Variants in NAV3 observed in about 807,000 individuals in gnomAD.
The protein encoded by NAV3 is neuron navigator 3.
A neutral mutation model predicts 244.7 loss-of-function variants in NAV3; 87 were observed. The observed-to-expected ratio is 0.36, with a 90% CI of 0.30 to 0.42. The LOEUF (loss-of-function observed/expected upper bound fraction) is 0.42, where lower values mean the gene tolerates loss of function less well. NAV3 is among the 20% of genes least tolerant of loss of function. NAV3 has a pLI of 1.00. For synonymous variants in NAV3, 1,126 were observed against 1,042.2 expected (o/e 1.08, Z -1.55); for missense variants, 2,663 against 2,893.3 (o/e 0.92, Z 1.83).
At chr12:78,178,770 GT>G (rs1958368402) in intron 28 of NAV3, among the ~76,000 whole-genome samples, 1 of 152,080 alleles carries the variant, frequency 6.6e-6, no homozygotes, top group South Asian at 2.1e-4. Flanking sequence ...CAGTAAACTA[GT>G]TGTCAAATTT....
At position 77,727,983 on chromosome 12, in the gene NAV3, T is replaced by C. The variant is rs1263343712; in HGVS notation, c.72+155717T>C. Among the ~76,000 whole-genome samples, 3 of 151,816 alleles carry C rather than the reference T, an allele frequency of 2.0e-5. No homozygotes were observed. In the East Asian group the frequency reaches 5.8e-4, roughly 29 times the overall value. On this transcript the variant is annotated intron_variant, in intron 2 of 8. Transcript: ENST00000550042. ...GGGAAAAACACCCAAATTGGCCTCA[T>C]CAGTATTTTTTTTTTAGATGTTTTA...
intron 2 of NAV3, among the ~76,000 whole-genome samples, chr12:77,659,914 A>T (rs945364832): frequency 3.5e-5 from 5 of 144,264 alleles, no homozygotes; most frequent in African/African-American, 5.0e-5. Flanking sequence ...AACAATGAGA[A>T]CACATGGACA....
intron 5 of NAV3, among the ~76,000 whole-genome samples, chr12:77,986,189 C>G (rs1870476371): frequency 6.6e-6 from 1 of 152,058 alleles, no homozygotes; most frequent in African/African-American, 2.4e-5. Flanking sequence ...TGGTAAAACC[C>G]CATCTCTACT....
intron 30 of NAV3, among the ~76,000 whole-genome samples, chr12:78,183,464 G>T (rs1170648309): frequency 1.3e-5 from 2 of 151,910 alleles, no homozygotes; most frequent in Non-Finnish European, 2.9e-5. Context: ...AGCTGAGGAA[G>T]CCAAGACTTA....
intron 5 of NAV3, among the ~76,000 whole-genome samples, chr12:77,980,268 G>A (rs150959736): frequency 1.3e-3 from 195 of 152,234 alleles, no homozygotes; most frequent in African/African-American, 2.8e-3. Flanking sequence ...AACCATAAAC[G>A]TCAGTTCTAT....
At chr12:78,113,504 G>A (rs1177750869) in intron 12 of NAV3, among the ~76,000 whole-genome samples, 1 of 152,186 alleles carries the variant, frequency 6.6e-6, no homozygotes, top group Non-Finnish European at 1.5e-5. Flanking sequence ...ACACCCCATG[G>A]AAGCTGGCAA....
intron 31 of NAV3, among the ~76,000 whole-genome samples, chr12:78,186,612 T>C (rs1484930296): frequency 6.6e-6 from 1 of 151,946 alleles, no homozygotes. Context: ...TAATTTTAAC[T>C]GGGTTATAAA....
At chr12:77,820,246 G>T (rs966678959) in intron 2 of NAV3, among the ~76,000 whole-genome samples, 39 of 152,144 alleles carry the variant, frequency 2.6e-4, no homozygotes, top group African/African-American at 8.9e-4. Context: ...TTAGATGCCT[G>T]TCTTAGTCCA....
At chr12:77,621,551 G>A (rs143832357) in intron 2 of NAV3, among the ~76,000 whole-genome samples, 6 of 149,962 alleles carry the variant, frequency 4.0e-5, no homozygotes, top group Non-Finnish European at 7.4e-5. Context: ...TGTGATCTCG[G>A]CACACTGCAA....
chr12:77,914,402 T>G (rs532145395), intron 1 of NAV3, among the ~76,000 whole-genome samples: 9 of 152,218 alleles, frequency 5.9e-5, no homozygotes, highest in African/African-American at 1.7e-4. Flanking sequence ...GTTTAGTAGT[T>G]ACTTTGATAT....
At chr12:77,946,107 T>C (rs953432076) in intron 3 of NAV3, among the ~76,000 whole-genome samples, 3 of 145,958 alleles carry the variant, frequency 2.1e-5, no homozygotes, top group Non-Finnish European at 3.0e-5. Flanking sequence ...TATATGTATA[T>C]ATATATATAT....
At chr12:77,789,282 G>T (rs959468238) in intron 2 of NAV3, among the ~76,000 whole-genome samples, 4 of 139,836 alleles carry the variant, frequency 2.9e-5, no homozygotes, top group African/African-American at 1.1e-4. Flanking sequence ...CCTCCTCCCT[G>T]CATCACTTGG....
intron 1 of NAV3, among the ~76,000 whole-genome samples, chr12:77,935,762 G>A (rs1043564596): frequency 4.6e-5 from 7 of 152,168 alleles, no homozygotes; most frequent in African/African-American, 1.7e-4. Flanking sequence ...TAGCATGGCT[G>A]GGGAGGCCTC....
At chr12:77,646,283 A>G (rs112816238) in intron 2 of NAV3, among the ~76,000 whole-genome samples, 90 of 152,268 alleles carry the variant, frequency 5.9e-4, no homozygotes, top group African/African-American at 2.1e-3. Flanking sequence ...TGCAATTTCT[A>G]AAGCACGCTA....
Position 78,081,614 on chromosome 12 carries a change from C to T in NAV3, c.2636+22499C>T, listed in dbSNP as rs140692306. 9.2e-5 allele frequency among the ~76,000 whole-genome samples: 14 copies of T among 152,262 alleles called. No individual in the cohort carries two copies. The East Asian group carries it at 2.5e-3, about 27-fold the overall frequency. ...AAATTCTGACCTGGATCTATTTACC[C>T]ATGTAAATAGGCAGGGGCAAATCTG... On this transcript the variant is annotated intron_variant, in intron 12 of 39. Transcript: ENST00000397909.
chr12:77,959,156 A>G (rs1891640285), intron 3 of NAV3, among the ~76,000 whole-genome samples: 1 of 152,152 alleles, frequency 6.6e-6, no homozygotes, highest in Non-Finnish European at 1.5e-5. Flanking sequence ...GGAAGTTGTA[A>G]TTTACAAGTT....
intron 1 of NAV3, among the ~76,000 whole-genome samples, chr12:77,850,389 A>G (rs1306092886): frequency 6.6e-6 from 1 of 152,204 alleles, no homozygotes; most frequent in African/African-American, 2.4e-5. Context: ...CAGTATAGTA[A>G]ATCAGCCAAG....
intron 2 of NAV3, among the ~76,000 whole-genome samples, chr12:77,730,107 C>T (rs534009696): frequency 3.3e-5 from 5 of 152,138 alleles, no homozygotes; most frequent in Non-Finnish European, 5.9e-5. Context: ...AAACCTCACT[C>T]TCTACTTTTT....
At chr12:77,953,999 G>A (rs759280948) in intron 3 of NAV3, among the ~76,000 whole-genome samples, 10 of 152,132 alleles carry the variant, frequency 6.6e-5, no homozygotes, top group African/African-American at 9.7e-5. Context: ...AGTACTGTAC[G>A]TCTTCCAGAG....
Sources: gnomAD v4.1 joint callset for allele counts (sites outside exome capture counted in the v4.1 genomes callset) on GRCh38, gnomAD v4.1.1 for gene constraint, MANE v1.5 for transcripts, NCBI Gene and HGNC (gene_info 2026-07-23, HGNC 2026-07-21) for gene names.